The following LRRC36 variants were observed in gnomAD, a reference collection of about 807,000 sequenced individuals.
The protein encoded by LRRC36 is leucine rich repeat containing 36, also known as leucine-rich repeat-containing protein 36.
In LRRC36, 62 loss-of-function variants were observed where a neutral mutation model predicts 81.1. The ratio of observed to expected loss-of-function variants is 0.76; its 90% CI spans 0.62 to 0.94. The LOEUF is 0.94. Among genes scored for constraint, LRRC36 ranks in the 40% least tolerant of loss-of-function variants. The pLI, the probability that LRRC36 is intolerant of heterozygous loss-of-function variation, is 0.00. For synonymous variants in LRRC36, 334 were observed against 348.6 expected, an observed-to-expected ratio of 0.96 and a Z score of 0.47; for missense variants, 761 against 881.7, an observed-to-expected ratio of 0.86 and a Z score of 1.73.
rs2039994080 is a variant in LRRC36 at position 67,378,489 on chromosome 16, C to T, written c.1807-100C>T. On this transcript the variant is annotated intron_variant, in intron 11 of 13. Coordinates refer to ENST00000329956, the MANE Select transcript of LRRC36 (RefSeq NM_018296.6). ...TCCTGAGCTCAGGCAAACCATCCAC[C>T]TCAGCCTCCCAAAGTGCTAGGATTA... The T allele has an allele frequency of 6.4e-6, 7 of 1,100,692 alleles. No individual in the cohort carries two copies. In the South Asian group the frequency reaches 9.8e-5, roughly 15 times the overall value. 68.2% of individuals were successfully genotyped at this position (1,100,692 alleles called of 1,614,324 possible).
At chr16:67,342,685 C>G (rs2038150242) in intron 2 of LRRC36, among the ~76,000 whole-genome samples, 1 of 152,198 alleles carries the variant, frequency 6.6e-6, no homozygotes, top group South Asian at 2.1e-4. Context: ...AGTGTGCACA[C>G]ACAGAGATGG....
chr16:67,360,996 A>G (rs866046397), intron 5 of LRRC36, among the ~76,000 whole-genome samples: 39 of 152,336 alleles, frequency 2.6e-4, no homozygotes, highest in Middle Eastern at 3.4e-3. Context: ...TGTATTGATC[A>G]AGAGTGGAAA....
At chr16:67,353,479 C>T (rs146544241) in intron 5 of LRRC36, among the ~76,000 whole-genome samples, 76 of 152,108 alleles carry the variant, frequency 5.0e-4, no homozygotes, top group African/African-American at 1.6e-3. Context: ...CTTTGCCTCC[C>T]AAGTTCAAGC....
At position 67,355,897 on chromosome 16, in the gene LRRC36, G is replaced by A. The variant is rs912260473; in HGVS notation, c.577+5607G>A. Among the ~76,000 whole-genome samples, 4 of 152,296 alleles carry A rather than the reference G, an allele frequency of 2.6e-5. No homozygotes were observed. In the East Asian group the frequency reaches 7.7e-4, roughly 29 times the overall value. ...AGGCTGGAGAGCAATGGGATGGCCT[G>A]AAAAGAGGAGCAGCACATTTTGATT... is the stretch of plus-strand genomic sequence containing the variant. On this transcript the variant is annotated intron_variant, in intron 5 of 13. Transcript: ENST00000329956.
chr16:67,345,116 A>G lies in LRRC36; in HGVS notation c.199-1140A>G, dbSNP rs139431352. On this transcript the variant is annotated intron_variant, in intron 2 of 13. Transcript: ENST00000329956. Reference sequence around the variant, plus strand: ...TGCTTGAGCTCAGGAGTTCAAGACCAGCCTGGGCAACATAGTGAGACATTG... The same window carrying G: ...TGCTTGAGCTCAGGAGTTCAAGACCGGCCTGGGCAACATAGTGAGACATTG... Among the ~76,000 whole-genome samples, 31 of 152,212 alleles carry G rather than the reference A, an allele frequency of 2.0e-4. 1 individual carries two copies. The East Asian group carries it at 5.8e-3, about 28-fold the overall frequency.
At chr16:67,375,095 C>G in intron 9 of LRRC36, 152 bp from the exon 10 acceptor site, 1 of 786,502 alleles carries the variant, frequency 1.3e-6, no homozygotes, top group Non-Finnish European at 2.0e-6. Context: ...CCACTGCACT[C>G]CAGCCTGGGT....
intron 6 of LRRC36, among the ~76,000 whole-genome samples, chr16:67,364,958 G>A (rs2039316832): frequency 6.6e-6 from 1 of 152,120 alleles, no homozygotes; most frequent in African/African-American, 2.4e-5. Flanking sequence ...GTGGTTGATA[G>A]CTTTATCAGC....
chr16:67,337,118 C>A (rs1207501419), intron 1 of LRRC36, among the ~76,000 whole-genome samples: 1 of 152,038 alleles, frequency 6.6e-6, no homozygotes, highest in Non-Finnish European at 1.5e-5. Context: ...GGATATACCA[C>A]ATTTTTGTTT....
At chr16:67,338,430 A>T (rs2037866051) in intron 1 of LRRC36, among the ~76,000 whole-genome samples, 2 of 152,166 alleles carry the variant, frequency 1.3e-5, no homozygotes, top group Admixed American at 6.5e-5. Context: ...CTGGCCTCAT[A>T]CAGAAATGTA....
intron 5 of LRRC36, among the ~76,000 whole-genome samples, chr16:67,356,017 A>G (rs1284951625): frequency 6.6e-6 from 1 of 152,172 alleles, no homozygotes; most frequent in Non-Finnish European, 1.5e-5. Context: ...TGGAAGGTTT[A>G]TGTTGGGTAG....
chr16:67,357,281 C>G (rs1178365652), intron 5 of LRRC36, among the ~76,000 whole-genome samples: 1 of 152,102 alleles, frequency 6.6e-6, no homozygotes, highest in East Asian at 1.9e-4. Flanking sequence ...TACATGGAGT[C>G]TGTTCATGAT....
In LRRC36 at chr16:67,367,244, G is replaced by A; in HGVS notation, c.982G>A (p.Val328Ile). 6.2e-7 allele frequency: 1 copy of A among 1,614,200 alleles called. No homozygotes were observed. Among genetic ancestry groups the A allele is most frequent in the Non-Finnish European group, 8.5e-7 (1 of 1,180,018 alleles). ...CCATCCCTATCAGTTACCTTCAGAT[G>A]TTGGTCTGGAAAATTATGACAGTTG... is the stretch of plus-strand genomic sequence containing the variant. ...QIHPYQLPSD[V>I]GLENYDSCYS... The change falls in exon 8 of 14, where the codon GTT becomes ATT. Residue 328 changes from valine to isoleucine, a missense_variant. Val to Ile is a conservative substitution (Grantham distance 29). Transcript: ENST00000329956.
intron 1 of LRRC36, 112 bp downstream of exon 1, chr16:67,327,044 A>C: frequency 4.3e-5 from 33 of 771,482 alleles, no homozygotes; most frequent in East Asian, 2.5e-4. Flanking sequence ...ACCACAGAGA[A>C]GCGGTACCTG....
rs376630790 is a variant in LRRC36, at chr16:67,341,915, C to T, written c.71-42C>T. On this transcript the variant is annotated intron_variant, in intron 1 of 13. Transcript: ENST00000329956. Reference sequence around the variant, plus strand: ...ACTTTCACTGACTCTGCTGTTGATCCGAGCAGGGATCATAATATATCTACT... The same window carrying T: ...ACTTTCACTGACTCTGCTGTTGATCTGAGCAGGGATCATAATATATCTACT... The T allele has an allele frequency of 6.6e-5, 101 of 1,539,516 alleles. No individual in the cohort carries two copies. The African/African-American group carries it at 8.3e-4, about 13-fold the overall frequency.
chr16:67,352,108 G>A (rs2038671691), intron 5 of LRRC36, among the ~76,000 whole-genome samples: 1 of 152,188 alleles, frequency 6.6e-6, no homozygotes, highest in Non-Finnish European at 1.5e-5. Context: ...TAAAAAGTCT[G>A]AAAGTGTACT....
At position 67,367,207 on chromosome 16, in the gene LRRC36, T is replaced by C. The variant is rs145429788; in HGVS notation, c.945T>C (p.Asp315=). 1.6e-4 allele frequency: 257 copies of C among 1,614,058 alleles called. No homozygotes were observed. Among genetic ancestry groups the C allele is most frequent in the Non-Finnish European group, 2.0e-4 (237 of 1,180,028 alleles). Residue 315 remains aspartate, a synonymous_variant, in exon 8 of 14, where the codon GAT becomes GAC. Transcript: ENST00000329956. ...ASLSKCLDVG[D]SSQIHPYQLP... is the part of the protein sequence containing the mutation. ...TGAGTAAATGCCTGGATGTGGGTGA[T>C]TCTAGCCAGATCCATCCCTATCAGT...
At chr16:67,374,488 G>A (rs1034010231) in intron 9 of LRRC36, among the ~76,000 whole-genome samples, 3 of 151,914 alleles carry the variant, frequency 2.0e-5, no homozygotes, top group East Asian at 3.9e-4. Context: ...TCTGCCTCCC[G>A]AGTTTAAGCA....
Position 67,371,251 on chromosome 16 carries a change from T to G in LRRC36, c.1494+9T>G, listed in dbSNP as rs753792626. The G allele has an allele frequency of 1.2e-6, 2 of 1,614,146 alleles. No homozygotes were observed. Among genetic ancestry groups the G allele is most frequent in the Non-Finnish European group, 1.7e-6 (2 of 1,180,014 alleles). On this transcript the variant is annotated intron_variant, in intron 9 of 13. Transcript: ENST00000329956. ...ATGCTACAGGCAGCGAGGCAAGTGT[T>G]GGCTTGTTTGTGTTTGTGCGAGAAA...
At chr16:67,360,504 C>T (rs2039094834) in intron 5 of LRRC36, among the ~76,000 whole-genome samples, 1 of 152,216 alleles carries the variant, frequency 6.6e-6, no homozygotes, top group Admixed American at 6.5e-5. Flanking sequence ...TAACCATTCT[C>T]ATTTGCACAA....
Sources: gnomAD v4.1 joint callset for allele counts (sites outside exome capture counted in the v4.1 genomes callset) on GRCh38, gnomAD v4.1.1 for gene constraint, MANE v1.5 for transcripts, NCBI Gene and HGNC (gene_info 2026-07-23, HGNC 2026-07-21) for gene names.